STIMATE: variants seen among roughly 807,000 people sequenced by gnomAD.
STIMATE encodes store-operated calcium entry regulator STIMATE.
A neutral mutation model predicts 36.7 loss-of-function variants in STIMATE; 15 were observed. That is an observed-to-expected ratio of 0.41 (90% CI 0.27 to 0.63). The LOEUF is 0.63. STIMATE is among the 20% of genes least tolerant of loss of function. The pLI is 0.32. For synonymous variants in STIMATE, 163 were observed against 162.3 expected (o/e 1.00, Z -0.03); for missense variants, 305 against 397.3 (o/e 0.77, Z 1.98).
intron 1 of STIMATE, among the ~76,000 whole-genome samples, chr3:52,866,345 C>T (rs1269758697): frequency 6.6e-6 from 1 of 152,256 alleles, no homozygotes; most frequent in South Asian, 2.1e-4. Context: ...GGTGCCAGGG[C>T]ACCTGCGGGG....
At chr3:52,845,945 G>A (rs1444011390) in intron 4 of STIMATE, among the ~76,000 whole-genome samples, 46 of 125,690 alleles carry the variant, frequency 3.7e-4, no homozygotes, top group African/African-American at 1.1e-3. Flanking sequence ...TGGCGGGGGG[G>A]CGGGAGGCTG....
chr3:52,894,167 A>C (rs868222944), intron 1 of STIMATE, among the ~76,000 whole-genome samples: 3 of 152,226 alleles, frequency 2.0e-5, no homozygotes, highest in Admixed American at 6.5e-5. Context: ...TACCTAGCAG[A>C]CACTTCAGAA....
chr3:52,867,350 C>G (rs1407393007), intron 1 of STIMATE, among the ~76,000 whole-genome samples: 1 of 152,238 alleles, frequency 6.6e-6, no homozygotes, highest in African/African-American at 2.4e-5. Context: ...CCCTCACAGA[C>G]AGCAGGAAGT....
chr3:52,892,147 T>C (rs897956980), intron 1 of STIMATE, among the ~76,000 whole-genome samples: 37 of 152,126 alleles, frequency 2.4e-4, no homozygotes, highest in African/African-American at 8.5e-4. Flanking sequence ...CAAAAGACTT[T>C]AAACAGATAT....
intron 1 of STIMATE, 104 bp from the exon 2 acceptor site, chr3:52,855,548 G>GTT (rs1278418110): frequency 2.0e-5 from 30 of 1,490,348 alleles, no homozygotes; most frequent in Non-Finnish European, 2.8e-5. Context: ...GTATAACCAA[G>GTT]GTAATACACA....
At chr3:52,872,889 G>A (rs1009932564) in intron 1 of STIMATE, among the ~76,000 whole-genome samples, 4 of 152,212 alleles carry the variant, frequency 2.6e-5, no homozygotes, top group Non-Finnish European at 4.4e-5. Context: ...GCCTCCCAAA[G>A]TGTTGGGACT....
chr3:52,842,585 G>T (rs932135636), intron 7 of STIMATE, among the ~76,000 whole-genome samples: 3 of 152,186 alleles, frequency 2.0e-5, no homozygotes, highest in African/African-American at 7.2e-5. Context: ...ACTCCCATCT[G>T]CTCTGCCCTC....
intron 1 of STIMATE, among the ~76,000 whole-genome samples, chr3:52,887,528 TAAG>T (rs1469293235): frequency 3.3e-5 from 5 of 152,248 alleles, no homozygotes; most frequent in African/African-American, 7.2e-5. Flanking sequence ...AGACCTACAC[TAAG>T]AAGGACCACA....
intron 1 of STIMATE, among the ~76,000 whole-genome samples, chr3:52,868,232 C>T (rs1164229195): frequency 6.6e-6 from 1 of 152,214 alleles, no homozygotes; most frequent in Non-Finnish European, 1.5e-5. Flanking sequence ...CTTCCCAAAT[C>T]CATTCTCTCA....
Position 52,842,955 on chromosome 3 carries a change from C to A in STIMATE, c.624G>T (p.Leu208Phe). 6.2e-7 allele frequency: 1 copy of A among 1,614,208 alleles called. No individual in the cohort carries two copies. The highest frequency in any genetic ancestry group is 2.2e-5 in the East Asian group (1 of 44,874). ...MLIVPFFVNA[L>F]MFWVVDNFLM... Reference sequence around the variant, plus strand: ...GGAAATTGTCCACTACCCAAAACATCAAAGCCTGTGGGAAGGAAAAGTGCA... The same window carrying A: ...GGAAATTGTCCACTACCCAAAACATAAAAGCCTGTGGGAAGGAAAAGTGCA... Residue 208 changes from leucine (L) to phenylalanine (F), a missense_variant, in exon 7 of 8, where the codon TTG becomes TTT. By Grantham distance (22) the Leu-to-Phe change is conservative. Coordinates refer to ENST00000355083, the MANE Select transcript of STIMATE (RefSeq NM_198563.5).
intron 2 of STIMATE, 63 bp downstream of exon 2, chr3:52,855,333 C>CA: frequency 1.9e-6 from 3 of 1,573,544 alleles, no homozygotes; most frequent in Admixed American, 1.7e-5. Flanking sequence ...ACCCCACCCC[C>CA]AGCCCCAAGA....
At chr3:52,843,662 G>A (rs1435550359) in intron 6 of STIMATE, 59 bp downstream of exon 6, 1 of 1,612,984 alleles carries the variant, frequency 6.2e-7, no homozygotes, top group Non-Finnish European at 8.5e-7. Context: ...TCAGAACTTT[G>A]GACAGGAACC....
intron 4 of STIMATE, chr3:52,847,127 C>T: frequency 1.3e-6 from 1 of 757,580 alleles, no homozygotes; most frequent in Non-Finnish European, 1.6e-6. Context: ...CAAGGCTGGT[C>T]TTAAGCTCCT....
chr3:52,878,334 C>A (rs1419002700), intron 1 of STIMATE, among the ~76,000 whole-genome samples: 1 of 151,672 alleles, frequency 6.6e-6, no homozygotes. Context: ...CCACCTCATG[C>A]CCTGGTCTAG....
intron 1 of STIMATE, among the ~76,000 whole-genome samples, chr3:52,887,994 G>GTTTTTTGTT (rs1701717521): frequency 3.8e-5 from 2 of 52,694 alleles, no homozygotes; most frequent in Non-Finnish European, 6.8e-5. Context: ...AACAGAATCA[G>GTTTTTTGTT]TTTTTTTTTT....
intron 1 of STIMATE, among the ~76,000 whole-genome samples, chr3:52,877,087 ACTGG>A (rs2106712402): frequency 6.6e-6 from 1 of 152,366 alleles, no homozygotes; most frequent in East Asian, 1.9e-4. Flanking sequence ...CACAGGCCAC[ACTGG>A]CTGAGTCCAT....
rs1284407423 is a variant in STIMATE, at chr3:52,897,275, G to A, written c.160+16C>T. ...CCGCGCAGGGCCTCCGGAGGGTCGG[G>A]GGGTCCCAGACTCACGCATTAACGT... On this transcript the variant is annotated intron_variant, in intron 1 of 7. Coordinates refer to ENST00000355083, the MANE Select transcript of STIMATE (RefSeq NM_198563.5). 3.2e-6 allele frequency: 5 copies of A among 1,539,718 alleles called. No individual in the cohort carries two copies. Among genetic ancestry groups the A allele is most frequent in the Non-Finnish European group, 4.3e-6 (5 of 1,149,486 alleles).
intron 1 of STIMATE, among the ~76,000 whole-genome samples, chr3:52,858,029 G>A (rs1050560089): frequency 5.3e-5 from 8 of 152,174 alleles, no homozygotes; most frequent in Admixed American, 3.9e-4. Context: ...ACACTGAGAA[G>A]AGCGTCATCT....
intron 1 of STIMATE, among the ~76,000 whole-genome samples, chr3:52,860,317 G>A (rs1008810850): frequency 2.6e-5 from 4 of 152,050 alleles, no homozygotes; most frequent in African/African-American, 9.7e-5. Context: ...ACAGAGGCAG[G>A]TGAAGAGAGA....
Sources: allele counts gnomAD v4.1 joint callset (sites outside exome capture counted in the v4.1 genomes callset), GRCh38; gene constraint gnomAD v4.1.1; transcripts MANE v1.5; gene names NCBI Gene and HGNC (gene_info 2026-07-23, HGNC 2026-07-21).